ASTN2: variants seen among roughly 807,000 people sequenced by gnomAD.
ASTN2 encodes astrotactin 2, also known as astrotactin-2.
Under a neutral mutation model 139.8 loss-of-function variants are expected in ASTN2, and 54 were observed. The observed-to-expected ratio is 0.39, with a 90% CI of 0.31 to 0.48. The LOEUF (loss-of-function observed/expected upper bound fraction) is 0.48, where lower values mean the gene tolerates loss of function less well. Ranked by LOEUF, ASTN2 falls within the 20% of genes least tolerant of loss-of-function variation. The probability of loss-of-function intolerance (pLI) is 0.95; values close to 1 mark genes in which losing one functional copy is unlikely to be tolerated. For missense variants in ASTN2, 1,565 were observed against 1,725.1 expected (o/e 0.91, Z 1.64); for synonymous variants, 756 against 719.5 (o/e 1.05, Z -0.81).
chr9:117,263,877 T>C (rs745912267), intron 2 of ASTN2, among the ~76,000 whole-genome samples: 5 of 152,058 alleles, frequency 3.3e-5, no homozygotes, highest in Non-Finnish European at 7.4e-5. Context: ...TGATGAAATC[T>C]AAATTGAGGC....
At chr9:116,536,696 G>A (rs146601075) in intron 19 of ASTN2, among the ~76,000 whole-genome samples, 8 of 152,322 alleles carry the variant, frequency 5.3e-5, no homozygotes, top group South Asian at 2.1e-4. Context: ...CAAATGTTGC[G>A]GCCTGATCGT....
At chr9:116,880,240 G>A (rs1277750551) in intron 10 of ASTN2, among the ~76,000 whole-genome samples, 4 of 152,104 alleles carry the variant, frequency 2.6e-5, no homozygotes, top group Non-Finnish European at 5.9e-5. Context: ...ATGAGTGGCT[G>A]GCAAAAGTAA....
At chr9:116,939,397 TA>T (rs1046224862) in intron 10 of ASTN2, among the ~76,000 whole-genome samples, 21 of 152,140 alleles carry the variant, frequency 1.4e-4, no homozygotes, top group African/African-American at 5.1e-4. Flanking sequence ...TTTTGTTATT[TA>T]AAAAATTTAT....
chr9:116,609,988 G>T (rs1030516731), intron 19 of ASTN2, among the ~76,000 whole-genome samples: 35 of 151,712 alleles, frequency 2.3e-4, no homozygotes, highest in Non-Finnish European at 1.5e-5. Flanking sequence ...CAACAAAGGA[G>T]ATATAATGGA....
chr9:116,911,378 T>C (rs574047777), intron 10 of ASTN2, among the ~76,000 whole-genome samples: 1 of 152,042 alleles, frequency 6.6e-6, no homozygotes, highest in African/African-American at 2.4e-5. Context: ...CTCAAGGTCA[T>C]GACAAACAAA....
At chr9:116,623,100 G>A (rs1291044961) in intron 17 of ASTN2, among the ~76,000 whole-genome samples, 1 of 151,376 alleles carries the variant, frequency 6.6e-6, no homozygotes, top group Non-Finnish European at 1.5e-5. Context: ...TGACACAGAT[G>A]GGAAGGTTGC....
At chr9:116,577,446 C>G (rs1325233108) in intron 19 of ASTN2, among the ~76,000 whole-genome samples, 1 of 145,892 alleles carries the variant, frequency 6.9e-6, no homozygotes, top group African/African-American at 2.6e-5. Context: ...GGCAGGATCA[C>G]TTGAGCCCGG....
chr9:116,516,113 T>C (rs1042277417), intron 19 of ASTN2, among the ~76,000 whole-genome samples: 2 of 152,306 alleles, frequency 1.3e-5, no homozygotes, highest in South Asian at 2.1e-4. Flanking sequence ...AACAGGAGAA[T>C]AGGAAATACA....
At chr9:116,637,796 C>T (rs1246248975) in intron 17 of ASTN2, among the ~76,000 whole-genome samples, 1 of 152,032 alleles carries the variant, frequency 6.6e-6, no homozygotes, top group Non-Finnish European at 1.5e-5. Context: ...AAAAATTATC[C>T]AAGCATGGTG....
At chr9:116,460,934 C>G (rs927765698) in intron 20 of ASTN2, among the ~76,000 whole-genome samples, 3 of 152,230 alleles carry the variant, frequency 2.0e-5, no homozygotes, top group East Asian at 1.9e-4. Context: ...ATAGAACAAC[C>G]ATTCTTAATG....
chr9:116,728,546 G>T (rs1022592150), intron 15 of ASTN2, among the ~76,000 whole-genome samples: 1 of 152,064 alleles, frequency 6.6e-6, no homozygotes, highest in Non-Finnish European at 1.5e-5. Flanking sequence ...GGGTGTGGGG[G>T]TTATATAAGA....
intron 3 of ASTN2, among the ~76,000 whole-genome samples, chr9:117,207,922 A>G (rs894181450): frequency 5.9e-5 from 9 of 152,236 alleles, no homozygotes; most frequent in African/African-American, 2.2e-4. Flanking sequence ...ATTTAACTAC[A>G]TAGAAACTCT....
At chr9:117,210,954 A>G (rs979249324) in intron 3 of ASTN2, among the ~76,000 whole-genome samples, 7 of 148,640 alleles carry the variant, frequency 4.7e-5, no homozygotes, top group East Asian at 2.0e-4. Flanking sequence ...AGAATGATGG[A>G]AAAAAAACCA....
Position 117,275,408 on chromosome 9 carries a change from A to G in ASTN2, c.630+15918T>C, listed in dbSNP as rs939049505. On this transcript the variant is annotated intron_variant, in intron 2 of 22. Coordinates refer to ENST00000313400, the MANE Select transcript of ASTN2 (RefSeq NM_001365068.1). ...CAACAACAGAATTTTATTTTCTTAC[A>G]GTTCTGGAGGCTGGAAGTCTAACAT... 2.0e-5 allele frequency among the ~76,000 whole-genome samples: 3 copies of G among 152,108 alleles called. No homozygotes were observed. In the South Asian group the frequency reaches 6.2e-4, roughly 32 times the overall value.
chr9:117,394,894 T>A (rs2130951295), intron 1 of ASTN2, among the ~76,000 whole-genome samples: 1 of 152,144 alleles, frequency 6.6e-6, no homozygotes, highest in South Asian at 2.1e-4. Flanking sequence ...AGACAACCTT[T>A]GGGAATGATT....
At chr9:116,971,669 C>A (rs1385355512) in intron 10 of ASTN2, among the ~76,000 whole-genome samples, 1 of 152,126 alleles carries the variant, frequency 6.6e-6, no homozygotes, top group African/African-American at 2.4e-5. Flanking sequence ...CACCATAGGT[C>A]GTCTTTAGCC....
chr9:117,020,002 C>CTGTGTGTGTGTGTGTGTGTGTG (rs57575432), intron 6 of ASTN2, among the ~76,000 whole-genome samples: 6 of 140,812 alleles, frequency 4.3e-5, no homozygotes, highest in East Asian at 2.1e-4. Flanking sequence ...TTCAGGGTTT[C>CTGTGTGTGTGTGTGTGTGTGTG]TGTGTGTGTG....
At position 117,043,815 on chromosome 9, in the gene ASTN2, C is replaced by T. The variant is rs553930545; in HGVS notation, c.1277-3850G>A. Among the ~76,000 whole-genome samples, 119 of 149,290 alleles carry T rather than the reference C, an allele frequency of 8.0e-4. 1 individual carries two copies. Among genetic ancestry groups the T allele is most frequent in the African/African-American group, 2.7e-3 (110 of 40,524 alleles). Reference sequence around the variant, plus strand: ...CCCAGCTACTCCAGAGGCTGAGGCACGAGAATCGCTTGAACCCAGGAGGTG... The same window carrying T: ...CCCAGCTACTCCAGAGGCTGAGGCATGAGAATCGCTTGAACCCAGGAGGTG... On this transcript the variant is annotated intron_variant, in intron 5 of 22. Transcript: ENST00000313400.
At chr9:116,497,284 G>A (rs1470283453) in intron 19 of ASTN2, among the ~76,000 whole-genome samples, 1 of 152,170 alleles carries the variant, frequency 6.6e-6, no homozygotes, top group Non-Finnish European at 1.5e-5. Context: ...TGTAAAAAGA[G>A]CAACTGACTT....
Sources: gnomAD v4.1 joint callset for allele counts (sites outside exome capture counted in the v4.1 genomes callset) on GRCh38, gnomAD v4.1.1 for gene constraint, MANE v1.5 for transcripts, NCBI Gene and HGNC (gene_info 2026-07-23, HGNC 2026-07-21) for gene names.